The following MYO7A variants were observed in gnomAD, a reference collection of about 807,000 sequenced individuals.
MYO7A encodes the protein unconventional myosin-VIIa.
MYO7A carries 210 observed loss-of-function variants against 263.8 expected under a neutral mutation model. The observed-to-expected ratio is 0.80, with a 90% confidence interval of 0.71 to 0.89. MYO7A has a LOEUF of 0.89. Ranked by LOEUF, MYO7A falls within the 40% of genes least tolerant of loss-of-function variation. The pLI, the probability that MYO7A is intolerant of heterozygous loss-of-function variation, is 0.00. For missense variants in MYO7A, 2,820 were observed against 2,968.3 expected (o/e 0.95, Z 1.16); for synonymous variants, 1,239 against 1,197.3 (o/e 1.03, Z -0.72).
At chr11:77,204,371 A>G in intron 39 of MYO7A, 142 bp downstream of exon 39, 1 of 1,214,706 alleles carries the variant, frequency 8.2e-7, no homozygotes, top group South Asian at 1.6e-5. Context: ...GGGCCCCCTC[A>G]CATCCTAGCT....
At chr11:77,147,995 C>T in intron 4 of MYO7A, 45 bp downstream of exon 4, 1 of 1,463,322 alleles carries the variant, frequency 6.8e-7, no homozygotes, top group South Asian at 1.4e-5. Flanking sequence ...CCCTCAGGCC[C>T]CGCCCCGCCC....
chr11:77,184,163 T>G (rs7102286), intron 26 of MYO7A, among the ~76,000 whole-genome samples: 3,276 of 152,194 alleles, frequency 0.022, 109 homozygotes, highest in African/African-American at 0.073. Context: ...AGGGTGTTGG[T>G]GACAGAGTGG....
chr11:77,167,109 CT>C lies in MYO7A; in HGVS notation c.1797+955del, dbSNP rs1374969001. Reference sequence around the variant, plus strand: ...CGGGAAAAGGGCTGGGCTTTTTCTCCTTTTTTTTGGAGTGTGTTTTTGTGTG... The same window carrying C: ...CGGGAAAAGGGCTGGGCTTTTTCTCCTTTTTTTGGAGTGTGTTTTTGTGTG... On this transcript the variant is annotated intron_variant, in intron 15 of 48. Coordinates refer to ENST00000409709, the MANE Select transcript of MYO7A (RefSeq NM_000260.4). Among the ~76,000 whole-genome samples the C allele has an allele frequency of 2.0e-5, 3 of 152,076 alleles. No homozygotes were observed. The South Asian group carries it at 6.3e-4, about 32-fold the overall frequency.
chr11:77,211,618 G>A (rs1957881160), intron 45 of MYO7A, among the ~76,000 whole-genome samples: 1 of 152,202 alleles, frequency 6.6e-6, no homozygotes, highest in Non-Finnish European at 1.5e-5. Flanking sequence ...GGGTGAGAAG[G>A]GAGGTCGGGA....
At chr11:77,193,085 T>G (rs113286774) in intron 31 of MYO7A, among the ~76,000 whole-genome samples, 14,523 of 42,548 alleles carry the variant, frequency 0.34, 3,917 homozygotes, top group African/African-American at 0.4. Flanking sequence ...GGTAGTTGTT[T>G]GTGATGGTGG....
At chr11:77,141,748 C>A (rs1447750374) in intron 2 of MYO7A, among the ~76,000 whole-genome samples, 1 of 152,164 alleles carries the variant, frequency 6.6e-6, no homozygotes, top group Non-Finnish European at 1.5e-5. Context: ...TGCTTGTCAC[C>A]CTTCAGGTGT....
chr11:77,194,120 T>C (rs1322949822), intron 31 of MYO7A: 1 of 689,030 alleles, frequency 1.5e-6, no homozygotes. Flanking sequence ...TCCATGCCAG[T>C]GCCAGAGGGA....
intron 18 of MYO7A, among the ~76,000 whole-genome samples, 176 bp from the exon 19 acceptor site, chr11:77,177,373 C>T (rs1555080597): frequency 6.6e-6 from 1 of 152,238 alleles, no homozygotes; most frequent in African/African-American, 2.4e-5. Flanking sequence ...CAACCCCTGT[C>T]TGTCCTGGTG....
chr11:77,201,701 C>G, intron 36 of MYO7A, 63 bp downstream of exon 36: 1 of 1,521,852 alleles, frequency 6.6e-7, no homozygotes, highest in Non-Finnish European at 9.0e-7. Context: ...TGTCCACTTC[C>G]CACAGCTGTA....
Position 77,155,914 on chromosome 11 carries a change from CG to C in MYO7A, c.296del (p.Gly99AlafsTer7). 6.2e-7 allele frequency: 1 copy of C among 1,600,998 alleles called. No homozygotes were observed. The highest frequency in any genetic ancestry group is 8.5e-7 in the Non-Finnish European group (1 of 1,172,498). The stretch of plus-strand genomic sequence containing the variant: ...ATCTCTTGCTGCCCGCAGACGTATA[CG>C]GGCTCCATCCTGGTGGCTGTGAACC... The part of the protein sequence containing the change: ...RYRDHLIYTY[T>X]GSILVAVNPY... On this transcript the variant is annotated frameshift_variant, in exon 5 of 49. Transcript: ENST00000409709. LOFTEE classifies it high-confidence loss of function.
chr11:77,167,043 C>T (rs1055105352), intron 15 of MYO7A, among the ~76,000 whole-genome samples: 1 of 152,224 alleles, frequency 6.6e-6, no homozygotes, highest in Non-Finnish European at 1.5e-5. Flanking sequence ...CCTCAGCGGC[C>T]TGGGTGGGGC....
chr11:77,129,599 C>T (rs1231915962), intron 1 of MYO7A, among the ~76,000 whole-genome samples: 2 of 152,208 alleles, frequency 1.3e-5, no homozygotes, highest in Admixed American at 6.5e-5. Context: ...TGGCCACATC[C>T]TGCCCTGGAT....
At chr11:77,207,104 G>A (rs944927824) in intron 41 of MYO7A, 185 bp from the exon 42 acceptor site, 1 of 529,044 alleles carries the variant, frequency 1.9e-6, no homozygotes. Context: ...GGGAGGAGGA[G>A]ACCTGGGAAG....
At chr11:77,175,846 T>C (rs1428466157) in intron 18 of MYO7A, among the ~76,000 whole-genome samples, 1 of 152,224 alleles carries the variant, frequency 6.6e-6, no homozygotes, top group Non-Finnish European at 1.5e-5. Context: ...TTTAGGTTCC[T>C]TCCTGTGGTT....
intron 32 of MYO7A, among the ~76,000 whole-genome samples, chr11:77,195,576 T>C (rs10466706): frequency 0.58 from 88,354 of 152,094 alleles, 26,161 homozygotes; most frequent in African/African-American, 0.68. Context: ...ATTTTGGGCA[T>C]TTGTCATGTG....
intron 2 of MYO7A, among the ~76,000 whole-genome samples, chr11:77,135,612 G>A (rs1469276453): frequency 6.6e-6 from 1 of 152,146 alleles, no homozygotes; most frequent in African/African-American, 2.4e-5. Flanking sequence ...GGGTCATATG[G>A]TAATTCTCAT....
chr11:77,172,446 C>T (rs1393265652), intron 15 of MYO7A, among the ~76,000 whole-genome samples: 13 of 152,154 alleles, frequency 8.5e-5, no homozygotes, highest in African/African-American at 1.9e-4. Context: ...AGTTATCCAG[C>T]GCACCAGGTG....
intron 3 of MYO7A, among the ~76,000 whole-genome samples, chr11:77,144,880 G>C (rs1392373103): frequency 6.6e-6 from 1 of 152,180 alleles, no homozygotes; most frequent in Non-Finnish European, 1.5e-5. Flanking sequence ...GGAGCAAGCT[G>C]TCCCTGCTCA....
intron 18 of MYO7A, among the ~76,000 whole-genome samples, chr11:77,175,896 C>T (rs1296123019): frequency 1.3e-5 from 2 of 152,244 alleles, no homozygotes; most frequent in African/African-American, 4.8e-5. Flanking sequence ...GGGTCCGCAG[C>T]ATGCCACCTG....
Sources: gnomAD v4.1 joint callset for allele counts (sites outside exome capture counted in the v4.1 genomes callset) on GRCh38, gnomAD v4.1.1 for gene constraint, MANE v1.5 for transcripts, NCBI Gene and HGNC (gene_info 2026-07-23, HGNC 2026-07-21) for gene names.